PCLO: variants seen among roughly 807,000 people sequenced by gnomAD.
PCLO encodes the protein piccolo presynaptic cytomatrix protein.
PCLO carries 82 observed loss-of-function variants against 427.5 expected under a neutral mutation model. That is an observed-to-expected ratio of 0.19 (90% CI 0.16 to 0.23). The LOEUF is 0.23. Ranked by LOEUF, PCLO falls within the 10% of genes least tolerant of loss-of-function variation. The probability of loss-of-function intolerance (pLI) is 1.00; values close to 1 mark genes in which losing one functional copy is unlikely to be tolerated. For synonymous variants in PCLO, 2,357 were observed against 2,155.4 expected, an observed-to-expected ratio of 1.09 and a Z score of -2.59; for missense variants, 6,239 against 6,115.9, an observed-to-expected ratio of 1.02 and a Z score of -0.67.
intron 3 of PCLO, among the ~76,000 whole-genome samples, chr7:83,121,284 T>A (rs1050454302): frequency 1.3e-5 from 2 of 152,166 alleles, no homozygotes; most frequent in Admixed American, 1.3e-4. Flanking sequence ...TTGTTTGTTG[T>A]TGCTACTGCA....
At chr7:82,866,026 C>T (rs113151853) in intron 10 of PCLO, among the ~76,000 whole-genome samples, 4 of 152,194 alleles carry the variant, frequency 2.6e-5, no homozygotes, top group East Asian at 1.9e-4. Context: ...TTTTGGTATC[C>T]GCTCTTTCAC....
chr7:82,957,476 G>A (rs1427646661), intron 4 of PCLO, among the ~76,000 whole-genome samples: 1 of 152,008 alleles, frequency 6.6e-6, no homozygotes, highest in African/African-American at 2.4e-5. Flanking sequence ...AAATAATTTT[G>A]TTATCATTCT....
intron 20 of PCLO, among the ~76,000 whole-genome samples, chr7:82,817,112 C>A (rs1420899723): frequency 3.3e-5 from 5 of 152,136 alleles, no homozygotes; most frequent in Admixed American, 3.3e-4. Context: ...AAATCCTTAT[C>A]ACCAGAGAAA....
chr7:83,056,168 T>G (rs1789374169), intron 3 of PCLO, among the ~76,000 whole-genome samples: 1 of 152,150 alleles, frequency 6.6e-6, no homozygotes, highest in African/African-American at 2.4e-5. Flanking sequence ...AGACTGAATC[T>G]CAGAATAACT....
chr7:83,149,572 C>T (rs947841910), intron 2 of PCLO, among the ~76,000 whole-genome samples: 4 of 152,164 alleles, frequency 2.6e-5, no homozygotes, highest in African/African-American at 9.7e-5. Context: ...CTAAAAACAG[C>T]AAGCAACTAA....
rs867432698 is a variant in PCLO at position 82,901,708 on chromosome 7, C to T, written c.13528+943G>A. Among the ~76,000 whole-genome samples, 495 of 151,870 alleles carry T rather than the reference C, an allele frequency of 3.3e-3. 4 individuals are homozygous for T. Among genetic ancestry groups the T allele is most frequent in the African/African-American group, 0.011 (473 of 41,460 alleles). On this transcript the variant is annotated intron_variant, in intron 9 of 24. Transcript: ENST00000333891. The stretch of plus-strand genomic sequence containing the variant: ...AAGGGCTAATATCCAGAATCTACAA[C>T]GAACTCAAACAAATTTACAAGCAAA...
intron 3 of PCLO, among the ~76,000 whole-genome samples, chr7:83,113,556 T>C (rs1486242969): frequency 4.6e-5 from 7 of 152,160 alleles, no homozygotes; most frequent in South Asian, 4.1e-4. Flanking sequence ...TAACCAGATA[T>C]GAAGTTGACC....
intron 3 of PCLO, among the ~76,000 whole-genome samples, chr7:83,065,185 G>A (rs1260770541): frequency 6.6e-6 from 1 of 151,972 alleles, no homozygotes; most frequent in Non-Finnish European, 1.5e-5. Context: ...TCCATGGGGA[G>A]TAGGCTTCTT....
At chr7:82,832,990 G>A (rs1792134105) in intron 16 of PCLO, among the ~76,000 whole-genome samples, 1 of 152,140 alleles carries the variant, frequency 6.6e-6, no homozygotes, top group Non-Finnish European at 1.5e-5. Flanking sequence ...TGATGGCAGA[G>A]ACTATATGGC....
chr7:82,948,773 T>C (rs1409008031), intron 6 of PCLO, among the ~76,000 whole-genome samples: 1 of 152,162 alleles, frequency 6.6e-6, no homozygotes, highest in Non-Finnish European at 1.5e-5. Flanking sequence ...ATTTATATTA[T>C]TAAAAGAAAC....
chr7:82,867,207 C>G (rs1221783327), intron 10 of PCLO, among the ~76,000 whole-genome samples: 1 of 152,082 alleles, frequency 6.6e-6, no homozygotes, highest in Non-Finnish European at 1.5e-5. Flanking sequence ...CAAGGCTAGC[C>G]TGGGCAACAT....
chr7:83,041,739 T>A (rs534991137), intron 3 of PCLO, among the ~76,000 whole-genome samples: 16 of 152,328 alleles, frequency 1.1e-4, no homozygotes, highest in African/African-American at 3.6e-4. Flanking sequence ...TATTCAAGAA[T>A]GTTATGACAA....
In PCLO at chr7:82,915,860, A is replaced by C; in HGVS notation, c.12126T>G (p.Thr4042=). ...CGTCAATTAGGACATAATTTCGTGG[A>C]GTATGGTGATCAATATCTGCATAGA... ...DSFYADIDHH[T]PRNYVLIDDI... is the part of the protein sequence containing the mutation. Residue 4042 remains threonine, a synonymous_variant, in exon 7 of 25, where the codon ACT becomes ACG. Coordinates refer to ENST00000333891, the MANE Select transcript of PCLO (RefSeq NM_033026.6). 6.2e-7 allele frequency: 1 copy of C among 1,613,416 alleles called. No homozygotes were observed. Among genetic ancestry groups the C allele is most frequent in the East Asian group, 2.2e-5 (1 of 44,816 alleles).
At chr7:82,801,325 C>CTTTG (rs1193614417) in intron 22 of PCLO, among the ~76,000 whole-genome samples, 193 bp downstream of exon 22, 25 of 151,638 alleles carry the variant, frequency 1.6e-4, no homozygotes, top group Middle Eastern at 3.4e-3. Flanking sequence ...TAATGTTAAA[C>CTTTG]ACAAATGAGA....
Position 82,794,459 on chromosome 7 carries a change from C to CTTTTTTTTTTTTTTTTTTTTTTTTT in PCLO, c.15007+7034_15007+7058dup, listed in dbSNP as rs778108792. Among the ~76,000 whole-genome samples the CTTTTTTTTTTTTTTTTTTTTTTTTT allele has an allele frequency of 4.8e-4, 27 of 56,370 alleles. 10 individuals carry two copies. Among genetic ancestry groups the CTTTTTTTTTTTTTTTTTTTTTTTTT allele is most frequent in the South Asian group, 2.8e-3 (2 of 710 alleles). The allele number at this position is 56,370 out of a possible 152,430, so 37.0% of individuals were successfully genotyped here. On this transcript the variant is annotated intron_variant, in intron 22 of 24. Coordinates refer to ENST00000333891, the MANE Select transcript of PCLO (RefSeq NM_033026.6). ...ACATGCTAGTTCATAAATTTTTTTT[C>CTTTTTTTTTTTTTTTTTTTTTTTTT]TTTTTTTTTTTTTTTTTTTTTTTTT...
chr7:82,995,102 G>A (rs1257183726), intron 3 of PCLO, among the ~76,000 whole-genome samples: 1 of 151,998 alleles, frequency 6.6e-6, no homozygotes, highest in Non-Finnish European at 1.5e-5. Context: ...ATGATACAGA[G>A]ATGCATATTT....
At position 82,953,454 on chromosome 7, in the gene PCLO, G is replaced by C. The variant is rs1795414592; in HGVS notation, c.7499C>G (p.Thr2500Ser). The change falls in exon 5 of 25, where the codon ACC becomes AGC. Residue 2500 changes from threonine to serine, a missense_variant. Thr to Ser is a moderately conservative substitution (Grantham distance 58, BLOSUM62 1). Transcript: ENST00000333891. The part of the protein sequence containing the change: ...PSSIPSGLVF[T>S]HRPEPSKPPI... ...AGGTTTGCTTGGCTCAGGCCTGTGG[G>C]TAAATACAAGTCCAGATGGAATTGA... The C allele has an allele frequency of 6.2e-7, 1 of 1,613,346 alleles. No individual in the cohort carries two copies.
At chr7:83,147,080 A>G (rs1792014327) in intron 2 of PCLO, among the ~76,000 whole-genome samples, 1 of 150,420 alleles carries the variant, frequency 6.6e-6, no homozygotes, top group African/African-American at 2.4e-5. Context: ...AAAAAAAAAA[A>G]GGCTTTGGTT....
chr7:82,947,517 A>T (rs1382459425), intron 6 of PCLO, among the ~76,000 whole-genome samples: 1 of 152,204 alleles, frequency 6.6e-6, no homozygotes, highest in African/African-American at 2.4e-5. Flanking sequence ...CCTAGAAATT[A>T]TAAAATTCAC....
Sources: allele counts gnomAD v4.1 joint callset (sites outside exome capture counted in the v4.1 genomes callset), GRCh38; gene constraint gnomAD v4.1.1; transcripts MANE v1.5; gene names NCBI Gene and HGNC (gene_info 2026-07-23, HGNC 2026-07-21).